KLF8: variants seen among roughly 807,000 people sequenced by gnomAD.
The protein encoded by KLF8 is Krueppel-like factor 8.
A neutral mutation model predicts 18.2 loss-of-function variants in KLF8; 10 were observed. That is an observed-to-expected ratio of 0.55 (90% CI 0.34 to 0.93). KLF8 has a LOEUF of 0.93. KLF8 is among the 40% of genes least tolerant of loss of function. The pLI, the probability that KLF8 is intolerant of heterozygous loss-of-function variation, is 0.02. For synonymous variants in KLF8, 109 were observed against 97.3 expected, an observed-to-expected ratio of 1.12 and a Z score of -0.71; for missense variants, 264 against 277.9, an observed-to-expected ratio of 0.95 and a Z score of 0.36.
the KLF8 span, among the ~76,000 whole-genome samples, chrX:55,925,227 A>G: frequency 1.9e-5 from 2 of 102,794 alleles, no homozygotes; most frequent in Non-Finnish European, 3.9e-5. Context: ...TCTACCGTAA[A>G]TAAACTATGG....
At chrX:55,946,728 A>G in the KLF8 span, among the ~76,000 whole-genome samples, 2 of 111,613 alleles carry the variant, frequency 1.8e-5, no homozygotes, top group South Asian at 7.5e-4. Context: ...AATTTTCGCA[A>G]CCTACTCATC....
chrX:56,090,303 TA>T, the KLF8 span, among the ~76,000 whole-genome samples: 1 of 111,696 alleles, frequency 9.0e-6, no homozygotes, highest in African/African-American at 3.3e-5. Flanking sequence ...CAGAAAACCA[TA>T]AAGCCTCATA....
the KLF8 span, among the ~76,000 whole-genome samples, chrX:55,957,446 T>C: frequency 8.9e-6 from 1 of 112,186 alleles, no homozygotes; most frequent in Non-Finnish European, 1.9e-5. Context: ...GGGATTTTTA[T>C]AAGGATTGCA....
At chrX:56,030,726 G>A in the KLF8 span, among the ~76,000 whole-genome samples, 2 of 107,439 alleles carry the variant, frequency 1.9e-5, no homozygotes, top group African/African-American at 3.4e-5. Flanking sequence ...CTCAGGATTA[G>A]GGGGCCTCTC....
At chrX:56,239,842 C>T (rs755205025) in intron 1 of KLF8, among the ~76,000 whole-genome samples, 1 of 111,820 alleles carries the variant, frequency 8.9e-6, no homozygotes, top group South Asian at 3.7e-4. Context: ...GGTTATTTCT[C>T]TAGTTTCTTT....
At chrX:55,987,478 G>A in the KLF8 span, among the ~76,000 whole-genome samples, 1 of 110,865 alleles carries the variant, frequency 9.0e-6, no homozygotes, top group Non-Finnish European at 1.9e-5. Flanking sequence ...GCAATAGTTT[G>A]CTGAGAATGA....
chrX:56,243,528 CTTTTTT>C (rs773032466), intron 1 of KLF8: 8 of 58,173 alleles, frequency 1.4e-4, no homozygotes, highest in Admixed American at 3.8e-4. Context: ...GAAACTCTTG[CTTTTTT>C]TTTTTTTTTT....
the KLF8 span, among the ~76,000 whole-genome samples, chrX:55,937,465 G>A: frequency 3.7e-4 from 42 of 112,357 alleles, no homozygotes; most frequent in East Asian, 1.4e-3. Flanking sequence ...AAATCAGAGC[G>A]ACTCTCCTCC....
At chrX:56,037,341 T>A in the KLF8 span, among the ~76,000 whole-genome samples, 23 of 111,013 alleles carry the variant, frequency 2.1e-4, no homozygotes, top group South Asian at 7.8e-3. Context: ...GGAATTTACA[T>A]CTGTGTTCGT....
the KLF8 span, among the ~76,000 whole-genome samples, chrX:56,114,160 G>A: frequency 8.9e-6 from 1 of 112,295 alleles, no homozygotes. Flanking sequence ...CACAGCTGCT[G>A]TGCTACACTG....
the KLF8 span, among the ~76,000 whole-genome samples, chrX:56,041,564 C>A: frequency 2.8e-5 from 3 of 106,975 alleles, no homozygotes; most frequent in Non-Finnish European, 5.8e-5. Context: ...TAGCTCTGAT[C>A]TTGGTTATTT....
At chrX:56,214,440 T>C in the KLF8 span, among the ~76,000 whole-genome samples, 8 of 112,328 alleles carry the variant, frequency 7.1e-5, no homozygotes, top group East Asian at 2.2e-3. Context: ...CTCAAATTCA[T>C]ATGATAAAGT....
the KLF8 span, among the ~76,000 whole-genome samples, chrX:56,021,894 T>A: frequency 9.2e-6 from 1 of 108,424 alleles, no homozygotes; most frequent in African/African-American, 3.4e-5. Context: ...CATAAATACT[T>A]CATAGCCTCA....
At chrX:55,916,065 A>G in the KLF8 span, among the ~76,000 whole-genome samples, 1 of 111,729 alleles carries the variant, frequency 9.0e-6, no homozygotes, top group Non-Finnish European at 1.9e-5. Context: ...CCAATTCCCA[A>G]ATCACAAGGA....
the KLF8 span, among the ~76,000 whole-genome samples, chrX:55,968,680 C>T: frequency 8.9e-6 from 1 of 111,828 alleles, no homozygotes; most frequent in Non-Finnish European, 1.9e-5. Context: ...GGCAGTTCCT[C>T]TGCACATGCT....
the KLF8 span, among the ~76,000 whole-genome samples, chrX:56,227,160 G>A: frequency 1.8e-5 from 2 of 111,715 alleles, no homozygotes; most frequent in African/African-American, 6.5e-5. Flanking sequence ...CCACCCCTCT[G>A]TTGGGGAAGT....
chrX:55,980,710 C>G, the KLF8 span, among the ~76,000 whole-genome samples: 1 of 112,014 alleles, frequency 8.9e-6, no homozygotes, highest in African/African-American at 3.2e-5. Flanking sequence ...CCTAATGCAA[C>G]TAAAGCCTGG....
chrX:55,979,025 A>AATGAT, the KLF8 span, among the ~76,000 whole-genome samples: 2 of 111,284 alleles, frequency 1.8e-5, no homozygotes, highest in African/African-American at 6.5e-5. Context: ...GACAAAGAGT[A>AATGAT]ATGATATAAT....
At chrX:56,146,717 A>G in the KLF8 span, among the ~76,000 whole-genome samples, 7 of 110,807 alleles carry the variant, frequency 6.3e-5, no homozygotes, top group Non-Finnish European at 1.3e-4. Flanking sequence ...TATAATAAAA[A>G]AAAAAAAAGA....
Sources: allele counts gnomAD v4.1 joint callset (sites outside exome capture counted in the v4.1 genomes callset), GRCh38; gene constraint gnomAD v4.1.1; transcripts MANE v1.5; gene names NCBI Gene and HGNC (gene_info 2026-07-23, HGNC 2026-07-21).